TAFA1: variants seen among roughly 807,000 people sequenced by gnomAD.
TAFA1 encodes the protein chemokine-like protein TAFA-1.
A neutral mutation model predicts 18.5 loss-of-function variants in TAFA1; 4 were observed. The observed-to-expected ratio is 0.22, with a 90% CI of 0.11 to 0.49. TAFA1 has a LOEUF of 0.49. Ranked by LOEUF, TAFA1 falls within the 20% of genes least tolerant of loss-of-function variation. The pLI is 0.98. For synonymous variants in TAFA1, 56 were observed against 55.2 expected (o/e 1.01, Z -0.06); for missense variants, 147 against 169.0 (o/e 0.87, Z 0.72).
chr3:68,392,105 C>G lies in TAFA1; in HGVS notation c.119-25175C>G, dbSNP rs138184075. On this transcript the variant is annotated intron_variant, in intron 2 of 4. Transcript: ENST00000478136. ...TCAACACCCATCAGTGTGCTGTATT[C>G]AGGAGTCCGATCTCATGTGCAAAGA... is the stretch of plus-strand genomic sequence containing the variant. Among the ~76,000 whole-genome samples, 15 of 144,670 alleles carry G rather than the reference C, an allele frequency of 1.0e-4. No individual in the cohort carries two copies. In the East Asian group the frequency reaches 3.2e-3, roughly 30 times the overall value. 94.9% of individuals were successfully genotyped at this position (144,670 alleles called of 152,430 possible).
intron 3 of TAFA1, among the ~76,000 whole-genome samples, chr3:68,496,482 G>A (rs1575922875): frequency 6.6e-6 from 1 of 152,052 alleles, no homozygotes; most frequent in South Asian, 2.1e-4. Context: ...TTACGTGTAG[G>A]TTCTCCAGTT....
chr3:68,081,218 AT>A (rs1354265650), intron 2 of TAFA1, among the ~76,000 whole-genome samples: 1 of 151,714 alleles, frequency 6.6e-6, no homozygotes. Context: ...ATTCTTCTAA[AT>A]TTTTTTCGAA....
In TAFA1 at chr3:68,489,560, C is replaced by A. The variant is rs138396489; in HGVS notation, c.260-49196C>A. Among the ~76,000 whole-genome samples the A allele has an allele frequency of 1.8e-3, 275 of 152,234 alleles. 1 individual carries two copies. The highest frequency in any genetic ancestry group is 5.8e-3 in the African/African-American group (239 of 41,556). On this transcript the variant is annotated intron_variant, in intron 3 of 4. Coordinates refer to ENST00000478136, the MANE Select transcript of TAFA1 (RefSeq NM_213609.4). ...TGGTCCGTAGACCCCCGGTGTTTTT[C>A]TATGACTCATTTAGGGTCGTGTTCA...
chr3:68,278,925 T>C (rs1471671553), intron 2 of TAFA1, among the ~76,000 whole-genome samples: 3 of 152,170 alleles, frequency 2.0e-5, no homozygotes, highest in African/African-American at 7.2e-5. Flanking sequence ...CAAATTTTAA[T>C]GTATATATGA....
intron 3 of TAFA1, among the ~76,000 whole-genome samples, chr3:68,485,628 A>G (rs1483799032): frequency 6.6e-6 from 1 of 152,232 alleles, no homozygotes; most frequent in Admixed American, 6.5e-5. Flanking sequence ...AAGTCCTTGC[A>G]TATACCTGGT....
intron 2 of TAFA1, among the ~76,000 whole-genome samples, chr3:68,312,455 A>T (rs1293235044): frequency 6.6e-6 from 1 of 152,040 alleles, no homozygotes; most frequent in East Asian, 1.9e-4. Flanking sequence ...CTGCTTAGAA[A>T]TTTTTTCCAC....
At chr3:68,086,252 G>A (rs1185184306) in intron 2 of TAFA1, among the ~76,000 whole-genome samples, 2 of 152,170 alleles carry the variant, frequency 1.3e-5, no homozygotes, top group East Asian at 1.9e-4. Flanking sequence ...GTTATTGAGG[G>A]CATTTGGTCA....
chr3:68,344,424 G>T (rs2069133183), intron 2 of TAFA1, among the ~76,000 whole-genome samples: 1 of 152,114 alleles, frequency 6.6e-6, no homozygotes, highest in Non-Finnish European at 1.5e-5. Flanking sequence ...AAGTCTACAT[G>T]GCTCTAAATG....
chr3:68,107,459 A>T (rs183427955), intron 2 of TAFA1, among the ~76,000 whole-genome samples: 1 of 152,166 alleles, frequency 6.6e-6, no homozygotes, highest in Admixed American at 6.6e-5. Flanking sequence ...GCAACAAAAC[A>T]TAATGAACTA....
chr3:68,342,937 A>C (rs1385835905), intron 2 of TAFA1, among the ~76,000 whole-genome samples: 1 of 152,184 alleles, frequency 6.6e-6, no homozygotes, highest in African/African-American at 2.4e-5. Flanking sequence ...ACACACACAA[A>C]GTATATTTTT....
intron 2 of TAFA1, among the ~76,000 whole-genome samples, chr3:68,235,709 A>C (rs965688832): frequency 7.9e-5 from 12 of 152,150 alleles, no homozygotes; most frequent in African/African-American, 2.9e-4. Flanking sequence ...CTGGTAGTCC[A>C]GTGAGACTCA....
intron 2 of TAFA1, among the ~76,000 whole-genome samples, chr3:68,167,064 A>G (rs1385045745): frequency 6.6e-6 from 1 of 152,184 alleles, no homozygotes; most frequent in Non-Finnish European, 1.5e-5. Flanking sequence ...TATTCAGCAC[A>G]AAACAGGAAT....
chr3:68,257,400 A>T (rs1191325998), intron 2 of TAFA1, among the ~76,000 whole-genome samples: 2 of 150,718 alleles, frequency 1.3e-5, no homozygotes, highest in African/African-American at 4.9e-5. Flanking sequence ...CTTCCCCAAT[A>T]GACAGTTAAC....
intron 2 of TAFA1, among the ~76,000 whole-genome samples, chr3:68,141,084 T>C (rs866673571): frequency 5.9e-5 from 9 of 152,176 alleles, no homozygotes; most frequent in African/African-American, 2.2e-4. Flanking sequence ...ATACTTAAAG[T>C]ACTGTACCTA....
chr3:68,131,225 C>G (rs969084604), intron 2 of TAFA1, among the ~76,000 whole-genome samples: 4 of 152,118 alleles, frequency 2.6e-5, no homozygotes, highest in African/African-American at 7.2e-5. Context: ...ATCAGTGACT[C>G]TATTATAATT....
upstream of TAFA1, among the ~76,000 whole-genome samples, chr3:68,002,584 G>C (rs1012709577): frequency 1.3e-5 from 2 of 152,116 alleles, no homozygotes; most frequent in African/African-American, 4.8e-5. Context: ...TCAAATGCCT[G>C]GTGTAATATG....
chr3:68,483,711 T>A (rs72921003), intron 3 of TAFA1, among the ~76,000 whole-genome samples: 13,810 of 152,206 alleles, frequency 0.091, 1,263 homozygotes, highest in African/African-American at 0.23. Flanking sequence ...TCTGTGGGGC[T>A]GATATAGGTA....
chr3:68,213,577 G>A (rs1214702822), intron 2 of TAFA1, among the ~76,000 whole-genome samples: 1 of 152,074 alleles, frequency 6.6e-6, no homozygotes, highest in Non-Finnish European at 1.5e-5. Flanking sequence ...AGGGCCTGGA[G>A]TATATGAAAG....
In TAFA1 at chr3:68,510,109, C is replaced by T. The variant is rs368513736; in HGVS notation, c.260-28647C>T. Among the ~76,000 whole-genome samples the T allele has an allele frequency of 2.0e-4, 31 of 152,152 alleles. No homozygotes were observed. In the East Asian group the frequency reaches 6.0e-3, roughly 29 times the overall value. ...TCTCGGGTTCAGGCATTTGCAAAGC[C>T]TCATCCCTCTCCCTGCAGTGCTCTT... On this transcript the variant is annotated intron_variant, in intron 3 of 4. Transcript: ENST00000478136.
Sources: gnomAD v4.1 joint callset for allele counts (sites outside exome capture counted in the v4.1 genomes callset) on GRCh38, gnomAD v4.1.1 for gene constraint, MANE v1.5 for transcripts, NCBI Gene and HGNC (gene_info 2026-07-23, HGNC 2026-07-21) for gene names.